The following SPMIP7 variants were observed in gnomAD, a reference collection of about 807,000 sequenced individuals.
SPMIP7 encodes protein SPMIP7.
the SPMIP7 span, among the ~76,000 whole-genome samples, chr7:50,124,380 C>T: frequency 3.9e-5 from 6 of 152,210 alleles, no homozygotes; most frequent in South Asian, 1.0e-3. Flanking sequence ...ACATCAATCA[C>T]CTTCAGGTAG....
At chr7:50,144,655 G>C in the SPMIP7 span, among the ~76,000 whole-genome samples, 1 of 152,004 alleles carries the variant, frequency 6.6e-6, no homozygotes, top group African/African-American at 2.4e-5. Context: ...TTTTGAATTT[G>C]GTAGGCATGC....
At chr7:50,110,124 A>C in the SPMIP7 span, among the ~76,000 whole-genome samples, 2 of 152,164 alleles carry the variant, frequency 1.3e-5, no homozygotes, top group Non-Finnish European at 2.9e-5. Flanking sequence ...GTATTTAATT[A>C]TGTGGTAAAA....
At chr7:50,108,786 AT>A in the SPMIP7 span, among the ~76,000 whole-genome samples, 1 of 152,178 alleles carries the variant, frequency 6.6e-6, no homozygotes, top group Non-Finnish European at 1.5e-5. Flanking sequence ...TACATAATTA[AT>A]TAGAAAAAAG....
chr7:50,159,251 G>A, the SPMIP7 span: 4 of 1,447,292 alleles, frequency 2.8e-6, no homozygotes, highest in Non-Finnish European at 3.7e-6. Flanking sequence ...CTGCTTCTCC[G>A]CGCTGCGCAG....
At chr7:50,119,078 C>G in the SPMIP7 span, among the ~76,000 whole-genome samples, 1 of 152,104 alleles carries the variant, frequency 6.6e-6, no homozygotes, top group Non-Finnish European at 1.5e-5. Flanking sequence ...AAACCCAGAA[C>G]CTGGAGATTG....
At chr7:50,155,630 T>C in the SPMIP7 span, among the ~76,000 whole-genome samples, 2 of 152,200 alleles carry the variant, frequency 1.3e-5, no homozygotes, top group African/African-American at 4.8e-5. Flanking sequence ...CCATCCAATG[T>C]GTGATAAAAC....
chr7:50,125,608 G>C, the SPMIP7 span, among the ~76,000 whole-genome samples: 1 of 150,720 alleles, frequency 6.6e-6, no homozygotes, highest in East Asian at 1.9e-4. Context: ...GTGTGTGTGT[G>C]TGTGTGTGTG....
the SPMIP7 span, among the ~76,000 whole-genome samples, chr7:50,107,380 AAAAAAGAAAAGAAAAG>A: frequency 2.8e-5 from 2 of 71,312 alleles, no homozygotes; most frequent in South Asian, 4.1e-4. Flanking sequence ...AAAAAAAAAA[AAAAAAGAAAAGAAAAG>A]AAAAAGAAAA....
the SPMIP7 span, chr7:50,117,336 T>C: frequency 4.7e-6 from 2 of 428,896 alleles, no homozygotes; most frequent in African/African-American, 2.0e-5. Context: ...TTTAATTGTT[T>C]AAAAGCGGTA....
chr7:50,108,537 A>T, the SPMIP7 span, among the ~76,000 whole-genome samples: 2 of 152,170 alleles, frequency 1.3e-5, no homozygotes, highest in Non-Finnish European at 2.9e-5. Context: ...AAAATATGAC[A>T]TAAATTTCAG....
the SPMIP7 span, chr7:50,141,729 T>TTTTTTC: frequency 2.4e-5 from 3 of 122,482 alleles, no homozygotes; most frequent in African/African-American, 9.6e-5. Context: ...AGGAATCACT[T>TTTTTTC]TTTTTTTTTT....
the SPMIP7 span, among the ~76,000 whole-genome samples, chr7:50,149,991 G>A: frequency 1.3e-5 from 2 of 152,024 alleles, no homozygotes; most frequent in African/African-American, 4.8e-5. Flanking sequence ...GATGACATGG[G>A]GAACCGGGGA....
At chr7:50,131,066 T>C in the SPMIP7 span, among the ~76,000 whole-genome samples, 1 of 152,132 alleles carries the variant, frequency 6.6e-6, no homozygotes, top group African/African-American at 2.4e-5. Context: ...GTAATAATCA[T>C]GGTGGCTGCT....
At chr7:50,131,180 G>A in the SPMIP7 span, among the ~76,000 whole-genome samples, 1 of 152,092 alleles carries the variant, frequency 6.6e-6, no homozygotes, top group Admixed American at 6.6e-5. Context: ...GGAGAGTGCT[G>A]GCAGAAAAAT....
the SPMIP7 span, among the ~76,000 whole-genome samples, chr7:50,107,279 C>G: frequency 7.0e-6 from 1 of 142,568 alleles, no homozygotes; most frequent in Non-Finnish European, 1.5e-5. Flanking sequence ...TTGCTTGAAC[C>G]CAGGAGGCGG....
At chr7:50,115,497 A>T in the SPMIP7 span, among the ~76,000 whole-genome samples, 1 of 152,228 alleles carries the variant, frequency 6.6e-6, no homozygotes, top group Non-Finnish European at 1.5e-5. Context: ...ATTCACTGAG[A>T]TAAATTATAT....
the SPMIP7 span, among the ~76,000 whole-genome samples, chr7:50,110,478 T>C: frequency 6.8e-6 from 1 of 146,592 alleles, no homozygotes; most frequent in Non-Finnish European, 1.5e-5. Flanking sequence ...TATATTTTTA[T>C]ATATTATATT....
the SPMIP7 span, among the ~76,000 whole-genome samples, chr7:50,125,195 CAT>C: frequency 0.02 from 1,128 of 55,144 alleles, 85 homozygotes; most frequent in African/African-American, 0.043. Context: ...CATATATACA[CAT>C]ATATATACAC....
At chr7:50,144,564 G>A in the SPMIP7 span, among the ~76,000 whole-genome samples, 55 of 152,254 alleles carry the variant, frequency 3.6e-4, no homozygotes, top group Admixed American at 3.3e-4. Context: ...CTACATATAT[G>A]TTTGTACACT....
Sources: gnomAD v4.1 joint callset for allele counts (sites outside exome capture counted in the v4.1 genomes callset) on GRCh38, gnomAD v4.1.1 for gene constraint, MANE v1.5 for transcripts, NCBI Gene and HGNC (gene_info 2026-07-23, HGNC 2026-07-21) for gene names.